The following MTARC2 variants were observed in gnomAD, a reference collection of about 807,000 sequenced individuals.
The protein encoded by MTARC2 is mitochondrial amidoxime reducing component 2.
In MTARC2, 27 loss-of-function variants were observed where a neutral mutation model predicts 35.6. The observed-to-expected ratio is 0.76, with a 90% CI of 0.56 to 1.04. The LOEUF is 1.04. Among genes scored for constraint, MTARC2 ranks in the 50% least tolerant of loss-of-function variants. The probability of loss-of-function intolerance (pLI) is 0.00; values close to 1 mark genes in which losing one functional copy is unlikely to be tolerated. For synonymous variants in MTARC2, 158 were observed against 167.1 expected (o/e 0.95, Z 0.42); for missense variants, 412 against 432.5 (o/e 0.95, Z 0.42).
intron 2 of MTARC2, among the ~76,000 whole-genome samples, chr1:220,760,824 C>T (rs1671417403): frequency 6.6e-6 from 1 of 152,100 alleles, no homozygotes; most frequent in African/African-American, 2.4e-5. Context: ...AAATAATATA[C>T]ATATGTGTTC....
chr1:220,772,934 T>C (rs565397211), intron 4 of MTARC2, among the ~76,000 whole-genome samples: 9 of 152,314 alleles, frequency 5.9e-5, no homozygotes, highest in Middle Eastern at 3.4e-3. Flanking sequence ...TTGGGCTTCG[T>C]CTCTGGTTCC....
At chr1:220,755,169 T>G in intron 2 of MTARC2, 49 bp downstream of exon 2, 2 of 1,522,254 alleles carry the variant, frequency 1.3e-6, no homozygotes, top group South Asian at 1.3e-5. Flanking sequence ...TTGGTTTCTC[T>G]TCAGGCTCCT....
In MTARC2 at chr1:220,748,609, C is replaced by G. The variant is rs955855127; in HGVS notation, c.78C>G (p.Ala26=). The part of the protein sequence containing the change: ...ARPWPRWLGV[A]ALGLAAVALG... ...CCTGGCCCAGGTGGCTCGGGGTCGC[C>G]GCGCTAGGACTGGCCGCCGTGGCCC... Residue 26 remains alanine (A), a synonymous_variant, in exon 1 of 8, where the codon GCC becomes GCG. Transcript: ENST00000366913. The G allele has an allele frequency of 4.1e-6, 6 of 1,452,310 alleles. No homozygotes were observed. Among genetic ancestry groups the G allele is most frequent in the Non-Finnish European group, 5.4e-6 (6 of 1,112,790 alleles). 90.0% of individuals were successfully genotyped at this position (1,452,310 alleles called of 1,614,324 possible).
chr1:220,761,650 C>T lies in MTARC2; in HGVS notation c.447-8C>T, dbSNP rs146415026. On this transcript the variant is annotated splice_polypyrimidine_tract_variant and splice_region_variant and intron_variant, in intron 2 of 7. Coordinates refer to ENST00000366913, the MANE Select transcript of MTARC2 (RefSeq NM_017898.5). ...AAGTAACCTGGTGTTCTTTTGTGAC[C>T]TTTCCAGGATATTTGGCCTTGACAT... 3.7e-6 allele frequency: 6 copies of T among 1,603,388 alleles called. No homozygotes were observed. In the African/African-American group the frequency reaches 4.0e-5, roughly 11 times the overall value.
chr1:220,749,643 C>T (rs1323327092), intron 1 of MTARC2, among the ~76,000 whole-genome samples: 2 of 152,152 alleles, frequency 1.3e-5, no homozygotes, highest in East Asian at 3.9e-4. Flanking sequence ...GTTGACCAGG[C>T]TGGTCTCAAA....
At chr1:220,773,703 A>G (rs930337732) in intron 4 of MTARC2, among the ~76,000 whole-genome samples, 1 of 152,168 alleles carries the variant, frequency 6.6e-6, no homozygotes, top group African/African-American at 2.4e-5. Context: ...ATGGTGTTGG[A>G]AAAGACATCA....
chr1:220,770,062 G>C (rs1017046709), intron 4 of MTARC2, among the ~76,000 whole-genome samples: 1 of 151,722 alleles, frequency 6.6e-6, no homozygotes. Flanking sequence ...AGCCGAGATC[G>C]CGCCACTACA....
intron 4 of MTARC2, among the ~76,000 whole-genome samples, chr1:220,779,505 G>GA (rs1203057661): frequency 6.6e-6 from 1 of 152,188 alleles, no homozygotes; most frequent in African/African-American, 2.4e-5. Flanking sequence ...TCAAGGGTGG[G>GA]AAGGCAAGGC....
chr1:220,748,596 G>A lies in MTARC2; in HGVS notation c.65G>A (p.Trp22Ter). 1.4e-6 allele frequency: 2 copies of A among 1,456,314 alleles called. No homozygotes were observed. Among genetic ancestry groups the A allele is most frequent in the Non-Finnish European group, 1.8e-6 (2 of 1,114,196 alleles). 90.2% of individuals were successfully genotyped at this position (1,456,314 alleles called of 1,614,324 possible). The change falls in exon 1 of 8, where the codon TGG becomes TAG. Residue 22 changes from tryptophan to a stop codon, truncating the protein, a stop_gained. Transcript: ENST00000366913. LOFTEE classifies it high-confidence loss of function. ...LGLPARPWPRWLGVAALGLAA... is the reference protein window; with the variant it reads ...LGLPARPWPR ...CTCCCAGCCCGGCCCTGGCCCAGGT[G>A]GCTCGGGGTCGCCGCGCTAGGACTG... is the stretch of plus-strand genomic sequence containing the variant.
intron 4 of MTARC2, among the ~76,000 whole-genome samples, chr1:220,763,794 C>A (rs917423997): frequency 6.6e-6 from 1 of 152,172 alleles, no homozygotes; most frequent in Admixed American, 6.5e-5. Flanking sequence ...GCTAAATAAT[C>A]ATTTCAGATA....
At position 220,767,146 on chromosome 1, in the gene MTARC2, T is replaced by TA. The variant is rs796221966; in HGVS notation, c.750+4105dup. On this transcript the variant is annotated intron_variant, in intron 4 of 7. Coordinates refer to ENST00000366913, the MANE Select transcript of MTARC2 (RefSeq NM_017898.5). ...CGAACAATCCTCTGGCCACGCACATTAAAAAAAAATCCTTCTTATTAAATG... is the reference window on the plus strand; with the variant it reads ...CGAACAATCCTCTGGCCACGCACATTAAAAAAAAAATCCTTCTTATTAAATG... 8.6e-5 allele frequency among the ~76,000 whole-genome samples: 13 copies of TA among 151,380 alleles called. No individual in the cohort carries two copies. In the South Asian group the frequency reaches 1.3e-3, roughly 15 times the overall value.
chr1:220,776,702 TA>T (rs1178031209), intron 4 of MTARC2, among the ~76,000 whole-genome samples: 2 of 152,212 alleles, frequency 1.3e-5, no homozygotes, highest in Non-Finnish European at 2.9e-5. Context: ...AATAGATGAC[TA>T]ACTGAATTTG....
chr1:220,754,110 G>T (rs1384174818), intron 1 of MTARC2, among the ~76,000 whole-genome samples: 4 of 152,136 alleles, frequency 2.6e-5, no homozygotes, highest in African/African-American at 9.7e-5. Context: ...CTGTGATATT[G>T]AAATTTATTT....
chr1:220,781,870 G>C lies in MTARC2; in HGVS notation c.977G>C (p.Arg326Thr). Reference sequence around the variant, plus strand: ...TCAGTGGAAAAAATTGGAAGCCTGAGAGTTGGTGACCCTGTGTATCGGATG... The same window carrying C: ...TCAGTGGAAAAAATTGGAAGCCTGACAGTTGGTGACCCTGTGTATCGGATG... ...YYSVEKIGSL[R>T]VGDPVYRMV The change falls in exon 7 of 8, where the codon AGA becomes ACA. Residue 326 changes from arginine (R) to threonine (T), a missense_variant. Physicochemically the swap from Arg to Thr is moderately conservative, Grantham distance 71. Transcript: ENST00000366913. 6.2e-7 allele frequency: 1 copy of C among 1,614,216 alleles called. No individual in the cohort carries two copies. Among genetic ancestry groups the C allele is most frequent in the Non-Finnish European group, 8.5e-7 (1 of 1,180,018 alleles).
chr1:220,763,292 G>A (rs1045856314), intron 4 of MTARC2, among the ~76,000 whole-genome samples: 1 of 152,110 alleles, frequency 6.6e-6, no homozygotes, highest in East Asian at 1.9e-4. Flanking sequence ...GTCAAAACTC[G>A]AAATTGTAGC....
intron 2 of MTARC2, chr1:220,756,515 C>G (rs939773705): frequency 1.3e-5 from 2 of 152,224 alleles, no homozygotes; most frequent in African/African-American, 4.8e-5. Context: ...AAACACAGAG[C>G]TGGGATTTGA....
intron 4 of MTARC2, among the ~76,000 whole-genome samples, chr1:220,774,449 A>C (rs1671836081): frequency 6.6e-6 from 1 of 152,210 alleles, no homozygotes; most frequent in Non-Finnish European, 1.5e-5. Flanking sequence ...TTATTTACAT[A>C]TTCCCTCGAC....
chr1:220,780,288 G>GGTAGC (rs773683695), intron 6 of MTARC2, 49 bp downstream of exon 6: 5 of 1,523,874 alleles, frequency 3.3e-6, no homozygotes, highest in Admixed American at 1.9e-5. Context: ...CTCCACCCCA[G>GGTAGC]AACTACCTAT....
chr1:220,749,968 C>T (rs992063995), intron 1 of MTARC2, among the ~76,000 whole-genome samples: 2 of 152,070 alleles, frequency 1.3e-5, no homozygotes, highest in African/African-American at 4.8e-5. Flanking sequence ...TGTACACAGA[C>T]CATATGAATC....
Sources: gnomAD v4.1 joint callset for allele counts (sites outside exome capture counted in the v4.1 genomes callset) on GRCh38, gnomAD v4.1.1 for gene constraint, MANE v1.5 for transcripts, NCBI Gene and HGNC (gene_info 2026-07-23, HGNC 2026-07-21) for gene names.